THOC2: variants seen among roughly 807,000 people sequenced by gnomAD.
The protein encoded by THOC2 is THO complex subunit 2, also known as THO complex 2.
THOC2 carries 10 observed loss-of-function variants against 128.4 expected under a neutral mutation model. The ratio of observed to expected loss-of-function variants is 0.08; its 90% CI spans 0.05 to 0.13. THOC2 has a LOEUF of 0.13. Ranked by LOEUF, THOC2 falls within the 10% of genes least tolerant of loss-of-function variation. THOC2 has a pLI of 1.00. For missense variants in THOC2, 535 were observed against 1,155.7 expected (o/e 0.46, Z 7.79); for synonymous variants, 393 against 396.9 (o/e 0.99, Z 0.12).
At chrX:123,627,620 A>T (rs1467651611) in intron 23 of THOC2, 73 bp downstream of exon 23, 1 of 1,049,199 alleles carries the variant, frequency 9.5e-7, no homozygotes, top group African/African-American at 1.9e-5. Context: ...CCAGAGCTAA[A>T]ACAATTTCAA....
chrX:123,685,120 T>C (rs1026707515), intron 8 of THOC2, among the ~76,000 whole-genome samples: 4 of 112,560 alleles, frequency 3.6e-5, no homozygotes, highest in Non-Finnish European at 7.5e-5. Flanking sequence ...TCCTAAAACA[T>C]AGATCACTCG....
chrX:123,655,798 C>T (rs2048546114), intron 12 of THOC2, among the ~76,000 whole-genome samples: 1 of 111,437 alleles, frequency 9.0e-6, no homozygotes, highest in East Asian at 2.8e-4. Context: ...CAAGCGCCAA[C>T]GTATGAAATA....
rs758325649 is a variant in THOC2, at chrX:123,696,693, A to T, written c.467+28T>A. 80 of 1,180,339 alleles carry T rather than the reference A, an allele frequency of 6.8e-5. 1 individual carries two copies. In the Admixed American group the frequency reaches 1.7e-3, roughly 25 times the overall value. On this transcript the variant is annotated intron_variant, in intron 6 of 38. Transcript: ENST00000245838. ...ACGAAAAAACATACTCAGATACTTG[A>T]TCTGCAACATAAGATACGTGTACTT...
rs1478440119 is a variant in THOC2 at position 123,611,464 on chromosome X, G to A, written c.4730C>T (p.Ser1577Leu). The A allele has an allele frequency of 8.4e-7, 1 of 1,197,078 alleles. No homozygotes were observed. The highest frequency in any genetic ancestry group is 1.1e-6 in the Non-Finnish European group (1 of 883,404). ...TTGTTTCTTCTCTTCCTTTCCTCCTGAACTGTCCCGTTTCTCTTTCTTTTC... is the reference window on the plus strand; with the variant it reads ...TTGTTTCTTCTCTTCCTTTCCTCCTAAACTGTCCCGTTTCTCTTTCTTTTC... ...KIEKKEKRDSSGGKEEKKHHK... is the reference protein window; with the variant it reads ...KIEKKEKRDSLGGKEEKKHHK... Residue 1577 changes from serine to leucine, a missense_variant, in exon 37 of 39, where the codon TCA becomes TTA. Around this residue, in one of 9 missense-constraint regions of THOC2, gnomAD observed 39 missense variants for 93.1 expected, o/e 0.42. Transcript: ENST00000245838.
intron 8 of THOC2, among the ~76,000 whole-genome samples, chrX:123,683,743 G>C (rs1452853621): frequency 9.1e-6 from 1 of 110,228 alleles, no homozygotes; most frequent in African/African-American, 3.3e-5. Flanking sequence ...TGGGATTACA[G>C]GCATGCGCCA....
chrX:123,687,805 G>A (rs757871121), intron 7 of THOC2, among the ~76,000 whole-genome samples: 10 of 111,314 alleles, frequency 9.0e-5, no homozygotes, highest in African/African-American at 2.9e-4. Context: ...ATTTTCTTCC[G>A]CTTCTCAAAC....
chrX:123,637,806 T>A (rs2147666058), intron 18 of THOC2, among the ~76,000 whole-genome samples: 1 of 111,278 alleles, frequency 9.0e-6, no homozygotes, highest in African/African-American at 3.3e-5. Flanking sequence ...TCCCCAGTAA[T>A]GCTTACCCAA....
chrX:123,603,416 C>G lies in THOC2; in HGVS notation c.*19-2078G>C, dbSNP rs1310623959. The G allele has an allele frequency of 1.4e-5, 5 of 349,280 alleles. No individual in the cohort carries two copies. The Admixed American group carries it at 1.6e-4, about 11-fold the overall frequency. 28.8% of individuals were successfully genotyped at this position (349,280 alleles called of 1,213,427 possible). On this transcript the variant is annotated intron_variant, in intron 38 of 38. Coordinates refer to ENST00000245838, the MANE Select transcript of THOC2 (RefSeq NM_001081550.2). The stretch of plus-strand genomic sequence containing the variant: ...AACTGGTTCCTGGAGGCGATTTCCT[C>G]TCCTTTCAGAGAAAGAAGAATGAAC...
At position 123,614,782 on chromosome X, in the gene THOC2, T is replaced by A. The variant is rs751159742; in HGVS notation, c.4312-593A>T. On this transcript the variant is annotated intron_variant, in intron 33 of 38. Coordinates refer to ENST00000245838, the MANE Select transcript of THOC2 (RefSeq NM_001081550.2). ...ACTTCTGAAAGCACTCCAATTTCTA[T>A]CAAAATAATCACAATTAACTGTGAA... Among the ~76,000 whole-genome samples, 4 of 111,818 alleles carry A rather than the reference T, an allele frequency of 3.6e-5. No homozygotes were observed. In the East Asian group the frequency reaches 1.1e-3, roughly 31 times the overall value.
chrX:123,613,280 C>T (rs886831852), intron 36 of THOC2, 119 bp downstream of exon 36: 25 of 719,079 alleles, frequency 3.5e-5, no homozygotes, highest in Non-Finnish European at 4.5e-5. Flanking sequence ...CCTCTTCTTC[C>T]CACTCCTAAA....
At position 123,703,501 on chromosome X, in the gene THOC2, A is replaced by G; in HGVS notation, c.227T>C (p.Phe76Ser). 8.7e-7 allele frequency: 1 copy of G among 1,153,575 alleles called. No individual in the cohort carries two copies. Among genetic ancestry groups the G allele is most frequent in the Non-Finnish European group, 1.2e-6 (1 of 846,551 alleles). Residue 76 changes from phenylalanine (F) to serine (S), a missense_variant, in exon 4 of 39, where the codon TTT (phenylalanine) becomes TCT (serine). Around this residue, in one of 9 missense-constraint regions of THOC2, gnomAD observed 61 missense variants for 84.3 expected, o/e 0.72. Transcript: ENST00000245838. ...ASNVLSDISE[F>S]REDMPSILAD... ...AAGAATGGAGGGCATATCCTCACGA[A>G]ATTCCTAATTTTAAAAATATAATTA... is the stretch of plus-strand genomic sequence containing the variant.
At chrX:123,608,278 G>T (rs1262237265) in intron 38 of THOC2, among the ~76,000 whole-genome samples, 1 of 108,713 alleles carries the variant, frequency 9.2e-6, no homozygotes, top group African/African-American at 3.4e-5. Flanking sequence ...GCACGTGCTT[G>T]TAGTCCCAAC....
In THOC2 at chrX:123,624,117, T is replaced by C. The variant is rs974752847; in HGVS notation, c.3261A>G (p.Gln1087=). ...CATGTCGAAAATTTTCATAGTCTAA[T>C]TGATCAGCCTTATTTCCACCATCAA... ...TGFDGGNKAD[Q]LDYENFRHVV... is the part of the protein sequence containing the mutation. The change falls in exon 27 of 39, where the codon CAA becomes CAG. Residue 1087 remains glutamine, a synonymous_variant. Transcript: ENST00000245838. 1 of 1,201,821 alleles carries C rather than the reference T, an allele frequency of 8.3e-7. No homozygotes were observed. The highest frequency in any genetic ancestry group is 1.1e-6 in the Non-Finnish European group (1 of 889,414).
intron 15 of THOC2, among the ~76,000 whole-genome samples, chrX:123,642,685 C>T (rs1403964587): frequency 3.7e-5 from 4 of 109,065 alleles, no homozygotes; most frequent in African/African-American, 1.3e-4. Flanking sequence ...GAGTTCAAGA[C>T]CAGCCTGGGC....
intron 8 of THOC2, among the ~76,000 whole-genome samples, chrX:123,683,260 C>T (rs1045221537): frequency 4.5e-5 from 5 of 110,385 alleles, no homozygotes; most frequent in African/African-American, 1.3e-4. Context: ...CTCTCACTGT[C>T]GTTGATATCA....
At chrX:123,610,279 C>T (rs1196111797) in intron 38 of THOC2, 1 of 105,229 alleles carries the variant, frequency 9.5e-6, no homozygotes, top group African/African-American at 3.5e-5. Flanking sequence ...TCACATAAAG[C>T]ATTAAGTGCA....
At chrX:123,666,742 G>A (rs1008210295) in intron 11 of THOC2, among the ~76,000 whole-genome samples, 2 of 111,627 alleles carry the variant, frequency 1.8e-5, no homozygotes, top group Admixed American at 1.9e-4. Context: ...CAGCCAGGAT[G>A]GAGAAAAATT....
At chrX:123,722,487 A>G (rs1332807843) in intron 1 of THOC2, among the ~76,000 whole-genome samples, 1 of 110,767 alleles carries the variant, frequency 9.0e-6, no homozygotes, top group Non-Finnish European at 1.9e-5. Flanking sequence ...CAAACACCAC[A>G]TGTTCTCACT....
At chrX:123,681,749 A>AT (rs1430859145) in intron 8 of THOC2, among the ~76,000 whole-genome samples, 1 of 112,121 alleles carries the variant, frequency 8.9e-6, no homozygotes, top group Non-Finnish European at 1.9e-5. Flanking sequence ...TGTAAAATGC[A>AT]TTTTGGGGAC....
Sources: allele counts gnomAD v4.1 joint callset (sites outside exome capture counted in the v4.1 genomes callset), GRCh38; gene constraint gnomAD v4.1.1; regional missense constraint gnomAD v4.1.1; transcripts MANE v1.5; gene names NCBI Gene and HGNC (gene_info 2026-07-23, HGNC 2026-07-21).